LY6G5C: variants seen among roughly 807,000 people sequenced by gnomAD.
LY6G5C encodes the protein lymphocyte antigen 6 family member G5C, also known as lymphocyte antigen 6 complex locus protein G5c.
A neutral mutation model predicts 10.5 loss-of-function variants in LY6G5C; 6 were observed. The observed-to-expected ratio is 0.57, with a 90% CI of 0.31 to 1.12. LY6G5C has a LOEUF of 1.12. Ranked by LOEUF, LY6G5C falls within the 50% of genes most tolerant of loss-of-function variation. The pLI, the probability that LY6G5C is intolerant of heterozygous loss-of-function variation, is 0.05. For missense variants in LY6G5C, 160 were observed against 185.5 expected, an observed-to-expected ratio of 0.86 and a Z score of 0.80; for synonymous variants, 69 against 67.8, an observed-to-expected ratio of 1.02 and a Z score of -0.09.
Position 31,677,132 on chromosome 6 carries a change from C to T in LY6G5C, c.290-12G>A, listed in dbSNP as rs1233089907. 1.4e-5 allele frequency: 23 copies of T among 1,610,882 alleles called. No homozygotes were observed. Among genetic ancestry groups the T allele is most frequent in the Non-Finnish European group, 2.0e-5 (23 of 1,179,028 alleles). On this transcript the variant is annotated splice_polypyrimidine_tract_variant and intron_variant, in intron 2 of 2. Coordinates refer to ENST00000383237, the Ensembl canonical transcript of LY6G5C. ...GTCAGAACCGCTGCCTGGGGAGGGA[C>T]AGTGGGCACCAGTGATACGGAAGTC...
rs924206241 is a variant in LY6G5C at position 31,679,382 on chromosome 6, A to G, written c.122-114T>C. 1 of 1,178,978 alleles carries G rather than the reference A, an allele frequency of 8.5e-7. No individual in the cohort carries two copies. Among genetic ancestry groups the G allele is most frequent in the African/African-American group, 1.5e-5 (1 of 66,146 alleles). The allele number at this position is 1,178,978 out of a possible 1,614,324, so 73.0% of individuals were successfully genotyped here. A position where few individuals can be genotyped will look rare whatever the true frequency, so the allele number is the denominator to read the frequency against. On this transcript the variant is annotated intron_variant, in intron 1 of 2. Coordinates refer to ENST00000383237, the Ensembl canonical transcript of LY6G5C. This position sits in a 1 kb window ranked among gnomAD's most constrained non-coding sequence, Gnocchi z 4.4. ...CCTCCCTCCCTTCCTGTCTCAGAAA[A>G]CCATCAAAGCCCCAATTCTCTGCTT...
In LY6G5C at chr6:31,679,250, T is replaced by C. The variant is rs149428531; in HGVS notation, c.140A>G (p.Asn47Ser). 3.0e-4 allele frequency: 476 copies of C among 1,612,772 alleles called. No homozygotes were observed. The highest frequency in any genetic ancestry group is 3.5e-4 in the Non-Finnish European group (417 of 1,179,976). The change falls in exon 2 of 3, where the codon AAT becomes AGT. Residue 47 changes from asparagine to serine, a missense_variant. By Grantham distance (46) the Asn-to-Ser change is conservative. Transcript: ENST00000383237. This position sits in a 1 kb window ranked among gnomAD's most constrained non-coding sequence, Gnocchi z 4.4. ...TGGAAGTGGTTGAGGGGGTTCCCAA[T>C]TGACAGGAACAAACTTACCTAGAAC...
At chr6:31,677,207 AAAAAG>A in intron 2 of LY6G5C, 87 bp from the exon 3 acceptor site, 27 of 1,328,174 alleles carry the variant, frequency 2.0e-5, no homozygotes, top group South Asian at 5.5e-5. Context: ...AAGTCAAAAA[AAAAAG>A]AAAAAGAAAA....
chr6:31,680,677 T>C (rs1344008365), upstream of LY6G5C, among the ~76,000 whole-genome samples: 1 of 152,192 alleles, frequency 6.6e-6, no homozygotes, highest in Non-Finnish European at 1.5e-5. This position sits in a 1 kb window ranked among gnomAD's most constrained non-coding sequence, Gnocchi z 4.5. Flanking sequence ...CACAGTCTAG[T>C]AGGGGAGACA....
At position 31,679,054 on chromosome 6, in the gene LY6G5C, T is replaced by C; in HGVS notation, c.289+47A>G. The C allele has an allele frequency of 1.3e-6, 2 of 1,598,884 alleles. No homozygotes were observed. Among genetic ancestry groups the C allele is most frequent in the South Asian group, 1.1e-5 (1 of 90,772 alleles). On this transcript the variant is annotated intron_variant, in intron 2 of 2. Transcript: ENST00000383237. The surrounding 1 kb of genome is among the most constrained non-coding windows in gnomAD (Gnocchi z 4.4). Reference sequence around the variant, plus strand: ...GTGCAGCTTAGGAGGCTGAGAGAGTTTCCGTTTGGGAGAGTGCTGGGCCCA... The same window carrying C: ...GTGCAGCTTAGGAGGCTGAGAGAGTCTCCGTTTGGGAGAGTGCTGGGCCCA...
In LY6G5C at chr6:31,680,169, T is replaced by C; in HGVS notation, c.121+84A>G. The C allele has an allele frequency of 6.4e-7, 1 of 1,565,888 alleles. No individual in the cohort carries two copies. Among genetic ancestry groups the C allele is most frequent in the Non-Finnish European group, 8.8e-7 (1 of 1,139,446 alleles). On this transcript the variant is annotated intron_variant, in intron 1 of 2. Coordinates refer to ENST00000383237, the Ensembl canonical transcript of LY6G5C. The surrounding 1 kb of genome is among the most constrained non-coding windows in gnomAD (Gnocchi z 4.5). ...CCTGCATGGGTTTACCTGAGCATCC[T>C]GGACAGGTGTACCCAGACACTTGGT...
At chr6:31,677,163 G>T in intron 2 of LY6G5C, 43 bp from the exon 3 acceptor site, 1 of 1,594,774 alleles carries the variant, frequency 6.3e-7, no homozygotes, top group Non-Finnish European at 8.6e-7. Flanking sequence ...AAGTCCCCAG[G>T]AAGAGCCCCA....
chr6:31,678,979 AAGAC>A, intron 2 of LY6G5C, 118 bp downstream of exon 2: 6 of 1,139,736 alleles, frequency 5.3e-6, no homozygotes, highest in South Asian at 1.5e-5. Context: ...CAAAAAAAAA[AAGAC>A]AGGATTGGAG....
chr6:31,678,957 G>A, intron 2 of LY6G5C, 144 bp downstream of exon 2: 2 of 911,522 alleles, frequency 2.2e-6, no homozygotes, highest in Non-Finnish European at 3.4e-6. Flanking sequence ...TCCAGCCTGG[G>A]TGACAGAGCA....
In LY6G5C at chr6:31,680,364, T is replaced by A; in HGVS notation, c.10A>T (p.Met4Leu). 1 of 1,609,496 alleles carries A rather than the reference T, an allele frequency of 6.2e-7. No individual in the cohort carries two copies. The highest frequency in any genetic ancestry group is 8.5e-7 in the Non-Finnish European group (1 of 1,178,698). Residue 4 changes from methionine (M) to leucine (L), a missense_variant, in exon 1 of 3, where the codon ATG becomes TTG. By Grantham distance (15) the Met-to-Leu change is conservative (BLOSUM62 2). Coordinates refer to ENST00000383237, the Ensembl canonical transcript of LY6G5C. The surrounding 1 kb of genome is among the most constrained non-coding windows in gnomAD (Gnocchi z 4.5). ...CTCTGGCTCCCTGCAGGGCCTGCCA[T>A]AAAACGCATGACTGCCTGCTGGCCT...
intron 2 of LY6G5C, among the ~76,000 whole-genome samples, chr6:31,678,072 C>T (rs1325702891): frequency 6.6e-6 from 1 of 152,206 alleles, no homozygotes; most frequent in African/African-American, 2.4e-5. Context: ...CTGTGAGACT[C>T]AGGCAAGGTT....
upstream of LY6G5C, among the ~76,000 whole-genome samples, chr6:31,680,941 G>A (rs1327277397): frequency 6.6e-6 from 1 of 152,074 alleles, no homozygotes; most frequent in Non-Finnish European, 1.5e-5. The surrounding 1 kb of genome is among the most constrained non-coding windows in gnomAD (Gnocchi z 4.5). Flanking sequence ...CGGGGCTAAT[G>A]AACCTGAGAT....
At position 31,679,618 on chromosome 6, in the gene LY6G5C, G is replaced by A; in HGVS notation, c.122-350C>T. ...GGACTCAGTCTTGTTCTATCCTGTG[G>A]ATTCTGGTTTTCTCATCCAGCACAC... is the stretch of plus-strand genomic sequence containing the variant. On this transcript the variant is annotated intron_variant, in intron 1 of 2. Coordinates refer to ENST00000383237, the Ensembl canonical transcript of LY6G5C. The surrounding 1 kb of genome is among the most constrained non-coding windows in gnomAD (Gnocchi z 4.4). 2.8e-6 allele frequency: 1 copy of A among 358,034 alleles called. No individual in the cohort carries two copies. Among genetic ancestry groups the A allele is most frequent in the East Asian group, 5.1e-5 (1 of 19,556 alleles). The allele number at this position is 358,034 out of a possible 1,614,324, so 22.2% of individuals were successfully genotyped here. A position where few individuals can be genotyped will look rare whatever the true frequency, so the allele number is the denominator to read the frequency against.
intron 2 of LY6G5C, among the ~76,000 whole-genome samples, chr6:31,678,391 T>C (rs1474531989): frequency 6.6e-6 from 1 of 152,136 alleles, no homozygotes; most frequent in South Asian, 2.1e-4. Flanking sequence ...CTTTTGAGTA[T>C]ATGAAGTGGG....
At chr6:31,680,496 G>T, upstream of LY6G5C, 2 of 1,145,556 alleles carry the variant, frequency 1.7e-6, no homozygotes, top group Non-Finnish European at 2.4e-6. This position sits in a 1 kb window ranked among gnomAD's most constrained non-coding sequence, Gnocchi z 4.5. Flanking sequence ...GGGGCAGAAT[G>T]TTCGCACCCA....
chr6:31,677,158 C>A, intron 2 of LY6G5C, 38 bp from the exon 3 acceptor site: 1 of 1,602,022 alleles, frequency 6.2e-7, no homozygotes, highest in Non-Finnish European at 8.5e-7. Flanking sequence ...TACGGAAGTC[C>A]CCAGGAAGAG....
Position 31,680,278 on chromosome 6 carries a change from C to A in LY6G5C, c.96G>T (p.Val32=). ...CAAACACCAAGCTCATCATGACCAGCACTATTAAGAGGACCGTGTAGAGGG... is the reference window on the plus strand; with the variant it reads ...CAAACACCAAGCTCATCATGACCAGAACTATTAAGAGGACCGTGTAGAGGG... The change falls in exon 1 of 3, where the codon GTG becomes GTT. Residue 32 remains valine, a synonymous_variant. Transcript: ENST00000383237. The surrounding 1 kb of genome is among the most constrained non-coding windows in gnomAD (Gnocchi z 4.5). 10 of 1,612,826 alleles carry A rather than the reference C, an allele frequency of 6.2e-6. No homozygotes were observed. The highest frequency in any genetic ancestry group is 8.5e-6 in the Non-Finnish European group (10 of 1,180,014).
Position 31,679,004 on chromosome 6 carries a change from T to G in LY6G5C, c.289+97A>C. 3.9e-6 allele frequency: 5 copies of G among 1,291,302 alleles called. No individual in the cohort carries two copies. Among genetic ancestry groups the G allele is most frequent in the Non-Finnish European group, 5.5e-6 (5 of 902,096 alleles). The allele number at this position is 1,291,302 out of a possible 1,614,324, so 80.0% of individuals were successfully genotyped here. On this transcript the variant is annotated intron_variant, in intron 2 of 2. Transcript: ENST00000383237. The surrounding 1 kb of genome is among the most constrained non-coding windows in gnomAD (Gnocchi z 4.4). ...AAGACAGGATTGGAGCAATGTCTTA[T>G]GGGATTATGGGAACAAGACTTGGGG...
In LY6G5C at chr6:31,679,269, C is replaced by A; in HGVS notation, c.122-1G>T. ...TCCCAATTGACAGGAACAAACTTACCTAGAACACAGAGAAGTGCTGACCCC... is the reference window on the plus strand; with the variant it reads ...TCCCAATTGACAGGAACAAACTTACATAGAACACAGAGAAGTGCTGACCCC... On this transcript the variant is annotated splice_acceptor_variant, in intron 1 of 2. Transcript: ENST00000383237. LOFTEE classifies it high-confidence loss of function. The surrounding 1 kb of genome is among the most constrained non-coding windows in gnomAD (Gnocchi z 4.4). The A allele has an allele frequency of 6.2e-7, 1 of 1,612,970 alleles. No homozygotes were observed. Among genetic ancestry groups the A allele is most frequent in the South Asian group, 1.1e-5 (1 of 91,072 alleles).
Sources: allele counts gnomAD v4.1 joint callset (sites outside exome capture counted in the v4.1 genomes callset), GRCh38; gene constraint gnomAD v4.1.1; non-coding constraint Gnocchi (gnomAD v3.1); transcripts MANE v1.5; gene names NCBI Gene and HGNC (gene_info 2026-07-23, HGNC 2026-07-21).